Variants in PCDHGA3 observed in about 807,000 individuals in gnomAD.
PCDHGA3 encodes protocadherin gamma subfamily A, 3, also known as protocadherin gamma-A3.
PCDHGA3 carries 40 observed loss-of-function variants against 58.5 expected under a neutral mutation model. The observed-to-expected ratio is 0.68, with a 90% CI of 0.53 to 0.89. The LOEUF (loss-of-function observed/expected upper bound fraction) is 0.89, where lower values mean the gene tolerates loss of function less well. Ranked by LOEUF, PCDHGA3 falls within the 40% of genes least tolerant of loss-of-function variation. The pLI, the probability that PCDHGA3 is intolerant of heterozygous loss-of-function variation, is 0.00. For synonymous variants in PCDHGA3, 530 were observed against 525.7 expected (o/e 1.01, Z -0.11); for missense variants, 1,223 against 1,195.9 (o/e 1.02, Z -0.33).
intron 1 of PCDHGA3, chr5:141,356,593 A>C: frequency 1.2e-6 from 2 of 1,614,170 alleles, no homozygotes; most frequent in Non-Finnish European, 1.7e-6. Context: ...TCCTGAAAAC[A>C]ACCCCAGAGG....
intron 1 of PCDHGA3, among the ~76,000 whole-genome samples, chr5:141,484,207 A>G (rs898823095): frequency 2.6e-5 from 4 of 152,218 alleles, no homozygotes; most frequent in Non-Finnish European, 5.9e-5. Context: ...ATCTATGAAC[A>G]TTAGCATTCT....
intron 1 of PCDHGA3, chr5:141,426,791 C>T (rs2096960403): frequency 2.2e-6 from 1 of 456,574 alleles, no homozygotes; most frequent in Non-Finnish European, 4.4e-6. Context: ...TCCAGAGTTA[C>T]CAGCTCAGTT....
intron 1 of PCDHGA3, chr5:141,421,248 C>G: frequency 1.2e-6 from 2 of 1,604,936 alleles, no homozygotes; most frequent in Middle Eastern, 1.7e-4. Flanking sequence ...GGCTACAGCG[C>G]GGGGACCGCA....
chr5:141,383,228 T>C (rs1778950138), intron 1 of PCDHGA3: 1 of 1,613,936 alleles, frequency 6.2e-7, no homozygotes, highest in Non-Finnish European at 8.5e-7. Context: ...AACATCCTGA[T>C]GGAAGATAAA....
At chr5:141,379,744 G>A (rs1333166422) in intron 1 of PCDHGA3, 1 of 152,052 alleles carries the variant, frequency 6.6e-6, no homozygotes, top group African/African-American at 2.4e-5. Flanking sequence ...GCTAAATGAG[G>A]TTCTTTAATC....
intron 1 of PCDHGA3, chr5:141,415,818 A>G: frequency 2.3e-6 from 3 of 1,325,056 alleles, no homozygotes; most frequent in Middle Eastern, 2.8e-4. Context: ...CCTATATATC[A>G]TAAGGCTTTG....
chr5:141,501,706 T>TA (rs2099810629), intron 2 of PCDHGA3, among the ~76,000 whole-genome samples: 1 of 152,094 alleles, frequency 6.6e-6, no homozygotes, highest in South Asian at 2.1e-4. Flanking sequence ...ATTCCGAGGA[T>TA]AAAAAAGACA....
In PCDHGA3 at chr5:141,432,967, G is replaced by T; in HGVS notation, c.2425-61840G>T. ...CAGGAGGCGGCTTGACAGGAGCGCC[G>T]GCGTCGCACTTTGTGGGCGTGGACG... On this transcript the variant is annotated intron_variant, in intron 1 of 3. Coordinates refer to ENST00000253812, the MANE Select transcript of PCDHGA3 (RefSeq NM_018916.4). The surrounding 1 kb of genome is among the most constrained non-coding windows in gnomAD (Gnocchi z 6.0). 1 of 1,614,190 alleles carries T rather than the reference G, an allele frequency of 6.2e-7. No homozygotes were observed. The highest frequency in any genetic ancestry group is 2.2e-5 in the East Asian group (1 of 44,854).
At chr5:141,387,529 T>C (rs933925608) in intron 1 of PCDHGA3, among the ~76,000 whole-genome samples, 2 of 152,236 alleles carry the variant, frequency 1.3e-5, no homozygotes, top group East Asian at 1.9e-4. Flanking sequence ...TACAGACGTA[T>C]CCACGTAGTT....
intron 1 of PCDHGA3, chr5:141,417,728 T>A: frequency 7.3e-7 from 1 of 1,373,610 alleles, no homozygotes; most frequent in Non-Finnish European, 9.6e-7. Flanking sequence ...GCGCAGACCT[T>A]GCCCAGCACA....
At position 141,388,975 on chromosome 5, in the gene PCDHGA3, T is replaced by C. The variant is rs1293529479; in HGVS notation, c.2424+42518T>C. The C allele has an allele frequency of 6.8e-6, 11 of 1,613,888 alleles. No homozygotes were observed. The highest frequency in any genetic ancestry group is 8.5e-6 in the Non-Finnish European group (10 of 1,179,894). On this transcript the variant is annotated intron_variant, in intron 1 of 3. Transcript: ENST00000253812. ...GAGGACGCCGAGCTGGGAACACATATTGCTTTGCTCAAAGTCCGTGACAAG... is the reference window on the plus strand; with the variant it reads ...GAGGACGCCGAGCTGGGAACACATACTGCTTTGCTCAAAGTCCGTGACAAG...
chr5:141,371,332 A>C (rs1481476869), intron 1 of PCDHGA3: 3 of 1,613,988 alleles, frequency 1.9e-6, no homozygotes, highest in Admixed American at 1.7e-5. Context: ...GAAGAGAGAG[A>C]TAGCTACACA....
Position 141,431,704 on chromosome 5 carries a change from C to T in PCDHGA3, c.2425-63103C>T. On this transcript the variant is annotated intron_variant, in intron 1 of 3. Transcript: ENST00000253812. The surrounding 1 kb of genome is among the most constrained non-coding windows in gnomAD (Gnocchi z 4.8). ...TGGACCACGAGGAGTCAGGATTCTA[C>T]CAGATGGAAGTGCAAGCAATGGATA... 1 of 1,614,194 alleles carries T rather than the reference C, an allele frequency of 6.2e-7. No homozygotes were observed. The highest frequency in any genetic ancestry group is 8.5e-7 in the Non-Finnish European group (1 of 1,180,036).
Position 141,477,741 on chromosome 5 carries a change from G to A in PCDHGA3, c.2425-17066G>A, listed in dbSNP as rs1438249932. On this transcript the variant is annotated intron_variant, in intron 1 of 3. Transcript: ENST00000253812. The surrounding 1 kb of genome is among the most constrained non-coding windows in gnomAD (Gnocchi z 4.9). ...GAATTAACAGCTCATATCAGCGATG[G>A]GGGCACCCCGGTCCTAGCCACCAAC... is the stretch of plus-strand genomic sequence containing the variant. 4 of 1,613,802 alleles carry A rather than the reference G, an allele frequency of 2.5e-6. No individual in the cohort carries two copies. The highest frequency in any genetic ancestry group is 1.7e-5 in the Admixed American group (1 of 60,026).
Position 141,490,602 on chromosome 5 carries a change from C to G in PCDHGA3, c.2425-4205C>G, listed in dbSNP as rs1249440194. On this transcript the variant is annotated intron_variant, in intron 1 of 3. Transcript: ENST00000253812. This position sits in a 1 kb window ranked among gnomAD's most constrained non-coding sequence, Gnocchi z 5.4. Reference sequence around the variant, plus strand: ...ATGTCAATGACAATGCACCCCGCTTCAACCAGCAGCTTTACACTGCTTACA... The same window carrying G: ...ATGTCAATGACAATGCACCCCGCTTGAACCAGCAGCTTTACACTGCTTACA... The G allele has an allele frequency of 6.2e-7, 1 of 1,614,084 alleles. No individual in the cohort carries two copies. Among genetic ancestry groups the G allele is most frequent in the African/African-American group, 1.3e-5 (1 of 74,930 alleles).
chr5:141,361,542 C>T, intron 1 of PCDHGA3: 5 of 1,614,054 alleles, frequency 3.1e-6, no homozygotes, highest in Non-Finnish European at 3.4e-6. Context: ...CTCCTGGCGC[C>T]TCTATCGCTC....
Position 141,511,151 on chromosome 5 carries a change from C to T in PCDHGA3, c.2777C>T (p.Ser926Leu), listed in dbSNP as rs202071188. The T allele has an allele frequency of 3.0e-5, 49 of 1,614,152 alleles. No individual in the cohort carries two copies. The highest frequency in any genetic ancestry group is 2.6e-4 in the South Asian group (24 of 91,066). The change falls in exon 4 of 4, where the codon TCG becomes TTG. Residue 926 changes from serine (S) to leucine (L), a missense_variant. Ser to Leu is a moderately radical substitution (Grantham distance 145, BLOSUM62 -2). Coordinates refer to ENST00000253812, the MANE Select transcript of PCDHGA3 (RefSeq NM_018916.4). ...GGTGGCAATGGCAACAAGAAGAAGT[C>T]GGGCAAGAAGGAGAAGAAGTAACAT... ...PAGGNGNKKK[S>L]GKKEKK
chr5:141,409,441 G>A (rs1432743588), intron 1 of PCDHGA3: 1 of 1,613,884 alleles, frequency 6.2e-7, no homozygotes, highest in Admixed American at 1.7e-5. Context: ...TGGACCGAGA[G>A]CAGACACCAG....
intron 1 of PCDHGA3, among the ~76,000 whole-genome samples, chr5:141,484,023 G>A (rs67828357): frequency 0.059 from 8,857 of 150,044 alleles, 313 homozygotes; most frequent in South Asian, 0.11. Context: ...GGTGGGGTGA[G>A]ATCAAGTCTC....
Sources: gnomAD v4.1 joint callset for allele counts (sites outside exome capture counted in the v4.1 genomes callset) on GRCh38, gnomAD v4.1.1 for gene constraint, Gnocchi (gnomAD v3.1) non-coding constraint, MANE v1.5 for transcripts, NCBI Gene and HGNC (gene_info 2026-07-23, HGNC 2026-07-21) for gene names.